Variants in NAV2 observed in about 807,000 individuals in gnomAD.
NAV2 encodes helicase, APC down-regulated 1.
Under a neutral mutation model 223.2 loss-of-function variants are expected in NAV2, and 54 were observed. That is an observed-to-expected ratio of 0.24 (90% CI 0.19 to 0.30). The LOEUF (loss-of-function observed/expected upper bound fraction) is 0.30, where lower values mean the gene tolerates loss of function less well. NAV2 is among the 10% of genes least tolerant of loss of function. NAV2 has a pLI of 1.00. For synonymous variants in NAV2, 1,279 were observed against 1,239.3 expected (o/e 1.03, Z -0.67); for missense variants, 2,806 against 3,147.5 (o/e 0.89, Z 2.60).
intron 9 of NAV2, among the ~76,000 whole-genome samples, chr11:19,948,439 A>AAAGT (rs1365277093): frequency 1.3e-5 from 2 of 152,130 alleles, no homozygotes; most frequent in African/African-American, 4.8e-5. Flanking sequence ...TCATTTAATT[A>AAAGT]AAGTAATTCG....
intron 1 of NAV2, among the ~76,000 whole-genome samples, chr11:19,679,844 T>C (rs919638767): frequency 1.3e-5 from 2 of 152,204 alleles, no homozygotes; most frequent in Non-Finnish European, 2.9e-5. Context: ...GTATCTAACA[T>C]AGAACTTAAC....
Position 20,054,095 on chromosome 11 carries a change from C to T in NAV2, c.4497C>T (p.Ser1499=). ...PKKGLRYTPT[S]QLRTQEDAKE... ...GTCTGTCCAGGTATACTCCCACCTC[C>T]CAGCTTCGCACGCAAGAAGATGCAA... The change falls in exon 18 of 38, where the codon TCC becomes TCT. Residue 1499 remains serine, a synonymous_variant. Coordinates refer to ENST00000349880, the MANE Select transcript of NAV2 (RefSeq NM_145117.5). 6.2e-7 allele frequency: 1 copy of T among 1,612,680 alleles called. No homozygotes were observed. Among genetic ancestry groups the T allele is most frequent in the Non-Finnish European group, 8.5e-7 (1 of 1,179,760 alleles).
At chr11:20,063,655 G>T (rs987887527) in intron 20 of NAV2, among the ~76,000 whole-genome samples, 1 of 152,104 alleles carries the variant, frequency 6.6e-6, no homozygotes, top group Non-Finnish European at 1.5e-5. Flanking sequence ...GATTACAGGC[G>T]TGAGCCACCG....
intron 1 of NAV2, among the ~76,000 whole-genome samples, chr11:19,705,513 A>C (rs190698730): frequency 1.3e-5 from 2 of 152,308 alleles, no homozygotes; most frequent in East Asian, 3.9e-4. Context: ...TCTGCAAATC[A>C]CTGAATGAGG....
chr11:20,039,629 G>T (rs1158421932), intron 12 of NAV2, among the ~76,000 whole-genome samples: 1 of 152,142 alleles, frequency 6.6e-6, no homozygotes, highest in African/African-American at 2.4e-5. Flanking sequence ...GTGGCAAAGG[G>T]CTTTAACAAA....
intron 1 of NAV2, among the ~76,000 whole-genome samples, chr11:19,735,952 G>A (rs1249548727): frequency 2.0e-5 from 3 of 152,206 alleles, no homozygotes; most frequent in Admixed American, 2.0e-4. Context: ...CATCTGCCCA[G>A]TATGGGGGCA....
chr11:19,404,370 G>T (rs1351673336), intron 1 of NAV2, among the ~76,000 whole-genome samples: 1 of 152,190 alleles, frequency 6.6e-6, no homozygotes, highest in Non-Finnish European at 1.5e-5. Context: ...TGCACGTCAG[G>T]CTTCTTGCCT....
chr11:19,625,134 C>A (rs900607703), intron 1 of NAV2, among the ~76,000 whole-genome samples: 1 of 152,096 alleles, frequency 6.6e-6, no homozygotes, highest in African/African-American at 2.4e-5. Flanking sequence ...TATAGCCATC[C>A]CACAGTGGTA....
rs544093675 is a variant in NAV2 at position 19,486,775 on chromosome 11, A to G, written c.75+135748A>G. Among the ~76,000 whole-genome samples, 4 of 152,260 alleles carry G rather than the reference A, an allele frequency of 2.6e-5. No homozygotes were observed. In the East Asian group the frequency reaches 7.7e-4, roughly 29 times the overall value. On this transcript the variant is annotated intron_variant, in intron 1 of 37. Coordinates refer to the NAV2 transcript ENST00000360655. The stretch of plus-strand genomic sequence containing the variant: ...TCACTCTCTCTATCTTTCATCCTTC[A>G]AGACTCAGCTCAGGCATCATCTTCT...
intron 1 of NAV2, among the ~76,000 whole-genome samples, chr11:19,647,793 G>C (rs1287281443): frequency 6.6e-6 from 1 of 152,200 alleles, no homozygotes; most frequent in Non-Finnish European, 1.5e-5. Flanking sequence ...CTGGGCAAGA[G>C]GGCAGAGGTT....
intron 10 of NAV2, among the ~76,000 whole-genome samples, chr11:19,950,539 C>G (rs530440520): frequency 5.3e-5 from 8 of 152,372 alleles, no homozygotes; most frequent in Non-Finnish European, 8.8e-5. Flanking sequence ...TGATTTTTCT[C>G]TGTTCTACCT....
At chr11:19,817,153 T>C (rs1209185182) in intron 1 of NAV2, among the ~76,000 whole-genome samples, 2 of 152,176 alleles carry the variant, frequency 1.3e-5, no homozygotes, top group African/African-American at 4.8e-5. Context: ...TTGGGAATTT[T>C]AATAAGCAAT....
chr11:20,100,825 TG>T, intron 31 of NAV2, 111 bp from the exon 32 acceptor site: 1 of 820,558 alleles, frequency 1.2e-6, no homozygotes, highest in Non-Finnish European at 2.0e-6. Flanking sequence ...CTCAGGTGAG[TG>T]GACTGCCGAG....
intron 22 of NAV2, among the ~76,000 whole-genome samples, chr11:20,068,687 T>C (rs1207735889): frequency 6.6e-6 from 1 of 152,214 alleles, no homozygotes; most frequent in African/African-American, 2.4e-5. Context: ...GAAGTGCTTA[T>C]TAAAATCTTA....
chr11:19,985,164 G>C (rs1249079527), intron 11 of NAV2, among the ~76,000 whole-genome samples: 1 of 152,188 alleles, frequency 6.6e-6, no homozygotes, highest in Non-Finnish European at 1.5e-5. Flanking sequence ...GCTTCCTGCT[G>C]TTCCCAGGGC....
At chr11:19,583,436 G>A (rs2045787232) in intron 1 of NAV2, among the ~76,000 whole-genome samples, 1 of 152,188 alleles carries the variant, frequency 6.6e-6, no homozygotes, top group South Asian at 2.1e-4. Flanking sequence ...TGGTGAGAGA[G>A]GGCATCCCTG....
intron 11 of NAV2, among the ~76,000 whole-genome samples, chr11:20,023,699 GGTGTGTGT>G (rs374769800): frequency 1.7e-3 from 248 of 144,678 alleles, no homozygotes; most frequent in Middle Eastern, 0.01. Context: ...CAAATTGCTG[GGTGTGTGT>G]GTGTGTGTGT....
intron 1 of NAV2, among the ~76,000 whole-genome samples, chr11:19,527,081 G>T (rs972905882): frequency 6.7e-6 from 1 of 150,196 alleles, no homozygotes; most frequent in Non-Finnish European, 1.5e-5. Context: ...GATATGGTTT[G>T]GCTGTGTCCC....
At chr11:19,430,676 G>T (rs7124080) in intron 1 of NAV2, among the ~76,000 whole-genome samples, 6,238 of 152,186 alleles carry the variant, frequency 0.041, 413 homozygotes, top group African/African-American at 0.14. Flanking sequence ...GTTTTTGCAA[G>T]TTTCTGGAGC....
Sources: allele counts gnomAD v4.1 joint callset (sites outside exome capture counted in the v4.1 genomes callset), GRCh38; gene constraint gnomAD v4.1.1; transcripts MANE v1.5; gene names NCBI Gene and HGNC (gene_info 2026-07-23, HGNC 2026-07-21).